Variants in TENM2 observed in about 807,000 individuals in gnomAD.
The protein encoded by TENM2 is teneurin transmembrane protein 2.
TENM2 carries 52 observed loss-of-function variants against 245.2 expected under a neutral mutation model. That is an observed-to-expected ratio of 0.21 (90% CI 0.17 to 0.27). TENM2 has a LOEUF of 0.27. Among genes scored for constraint, TENM2 ranks in the 10% least tolerant of loss-of-function variants. TENM2 has a pLI of 1.00. For missense variants in TENM2, 3,046 were observed against 3,666.8 expected (o/e 0.83, Z 4.37); for synonymous variants, 1,363 against 1,438.9 (o/e 0.95, Z 1.19).
At position 167,411,575 on chromosome 5, in the gene TENM2, T is replaced by A. The variant is rs947739209; in HGVS notation, c.502+36102T>A. Among the ~76,000 whole-genome samples the A allele has an allele frequency of 3.4e-3, 239 of 70,924 alleles. 3 individuals carry two copies. In the East Asian group the frequency reaches 0.073, roughly 22 times the overall value. The allele number at this position is 70,924 out of a possible 152,430, so 46.5% of individuals were successfully genotyped here. A position where few individuals can be genotyped will look rare whatever the true frequency, so the allele number is the denominator to read the frequency against. On this transcript the variant is annotated intron_variant, in intron 2 of 28. Transcript: ENST00000518659. Reference sequence around the variant, plus strand: ...GTGCATGTGTATATGTAGGTGAGAGTGTGTGTGTGTGTGTGTGTGTGTGTG... The same window carrying A: ...GTGCATGTGTATATGTAGGTGAGAGAGTGTGTGTGTGTGTGTGTGTGTGTG...
chr5:167,418,612 G>A (rs1305661429), intron 2 of TENM2, among the ~76,000 whole-genome samples: 1 of 152,140 alleles, frequency 6.6e-6, no homozygotes, highest in Non-Finnish European at 1.5e-5. Flanking sequence ...TAAAGAATCT[G>A]TGACCAACAG....
At chr5:167,178,128 G>C in the TENM2 span, among the ~76,000 whole-genome samples, 2 of 152,266 alleles carry the variant, frequency 1.3e-5, no homozygotes, top group South Asian at 4.2e-4. Context: ...AAGTGAAGGA[G>C]GCTATTAATA....
the TENM2 span, among the ~76,000 whole-genome samples, chr5:167,230,603 T>A: frequency 1.3e-5 from 2 of 152,178 alleles, no homozygotes; most frequent in African/African-American, 4.8e-5. Context: ...AGATACATTT[T>A]AAAAATGCTG....
At chr5:166,979,194 C>CCACCAGCAGCAGCAGCAGCAGCAG in the TENM2 span, among the ~76,000 whole-genome samples, 3 of 142,044 alleles carry the variant, frequency 2.1e-5, no homozygotes, top group African/African-American at 8.3e-5. Context: ...AGCACCACCA[C>CCACCAGCAGCAGCAGCAGCAGCAG]CAGCAGCAGC....
chr5:168,137,568 G>C (rs575293723), intron 12 of TENM2, among the ~76,000 whole-genome samples: 4 of 152,198 alleles, frequency 2.6e-5, no homozygotes, highest in Admixed American at 2.6e-4. Context: ...AACTCAAAAC[G>C]GTGGCTTCTG....
At position 167,377,199 on chromosome 5, in the gene TENM2, C is replaced by T. The variant is rs181413929; in HGVS notation, c.502+1726C>T. Among the ~76,000 whole-genome samples the T allele has an allele frequency of 1.9e-3, 296 of 152,152 alleles. 1 individual carries two copies. The Middle Eastern group carries it at 0.024, about 12-fold the overall frequency. ...TGAAATTCATCATATATTTGGTAGA[C>T]CAATAGTAGTTTCATTTTTTTCATA... On this transcript the variant is annotated intron_variant, in intron 2 of 28. Coordinates refer to ENST00000518659, the Ensembl canonical transcript of TENM2.
At chr5:167,998,853 A>G (rs772241210) in intron 5 of TENM2, among the ~76,000 whole-genome samples, 5 of 152,148 alleles carry the variant, frequency 3.3e-5, no homozygotes, top group Admixed American at 6.5e-5. Flanking sequence ...AAGTGTGGTA[A>G]TTTGGGGTGC....
intron 3 of TENM2, among the ~76,000 whole-genome samples, chr5:167,888,133 T>TTA (rs1482951792): frequency 3.9e-5 from 6 of 152,234 alleles, no homozygotes; most frequent in Non-Finnish European, 2.9e-5. Flanking sequence ...CATTCCCAGC[T>TTA]ATCAAGAGTC....
At chr5:167,928,556 T>G (rs908200747) in intron 3 of TENM2, among the ~76,000 whole-genome samples, 6 of 151,968 alleles carry the variant, frequency 3.9e-5, no homozygotes, top group African/African-American at 1.4e-4. Context: ...GGCGATATGC[T>G]TATATCATCC....
At chr5:167,394,234 TA>T (rs1266066059) in intron 2 of TENM2, among the ~76,000 whole-genome samples, 1 of 152,208 alleles carries the variant, frequency 6.6e-6, no homozygotes, top group Non-Finnish European at 1.5e-5. Context: ...CAATTTTTTT[TA>T]GGAGATTCAC....
intron 1 of TENM2, among the ~76,000 whole-genome samples, chr5:167,374,219 A>G (rs1055243300): frequency 9.2e-5 from 14 of 152,176 alleles, no homozygotes; most frequent in African/African-American, 2.9e-4. Flanking sequence ...TATCTTTTCT[A>G]TGTTTAAATA....
At chr5:168,119,693 T>C (rs1795335840) in intron 10 of TENM2, among the ~76,000 whole-genome samples, 1 of 152,202 alleles carries the variant, frequency 6.6e-6, no homozygotes, top group Non-Finnish European at 1.5e-5. Context: ...GCTCCTTTTC[T>C]CTAAGTCCAT....
intron 2 of TENM2, among the ~76,000 whole-genome samples, chr5:167,701,519 C>G (rs1425247900): frequency 6.6e-6 from 1 of 151,952 alleles, no homozygotes; most frequent in Admixed American, 6.6e-5. Context: ...AACATAGGTT[C>G]GTGACATGTA....
intron 13 of TENM2, among the ~76,000 whole-genome samples, chr5:168,177,666 G>C (rs1022958873): frequency 6.6e-6 from 1 of 152,128 alleles, no homozygotes; most frequent in African/African-American, 2.4e-5. Flanking sequence ...GCAAGACCTT[G>C]TCTCTACAAA....
chr5:167,632,434 A>C (rs1778934878), intron 2 of TENM2, among the ~76,000 whole-genome samples: 1 of 152,240 alleles, frequency 6.6e-6, no homozygotes, highest in South Asian at 2.1e-4. Flanking sequence ...TGGAAAAATC[A>C]ATAATTCTAC....
intron 2 of TENM2, among the ~76,000 whole-genome samples, chr5:167,515,877 A>G (rs950247239): frequency 1.3e-5 from 2 of 151,880 alleles, no homozygotes; most frequent in Non-Finnish European, 2.9e-5. Flanking sequence ...AATGAAAGTA[A>G]GTTCATTTCC....
intron 3 of TENM2, among the ~76,000 whole-genome samples, chr5:167,914,275 G>A (rs1776761630): frequency 6.6e-6 from 1 of 152,192 alleles, no homozygotes. Flanking sequence ...AAAATGGTTT[G>A]ATTTGTGCTA....
intron 12 of TENM2, among the ~76,000 whole-genome samples, chr5:168,140,157 C>A (rs1394535633): frequency 6.6e-6 from 1 of 152,170 alleles, no homozygotes; most frequent in East Asian, 1.9e-4. Context: ...TACCATGATA[C>A]AATGGTGATA....
At chr5:167,940,146 GTTCAAGC>G (rs1779057273) in intron 3 of TENM2, among the ~76,000 whole-genome samples, 1 of 152,188 alleles carries the variant, frequency 6.6e-6, no homozygotes, top group Non-Finnish European at 1.5e-5. Flanking sequence ...CTTTGATCAA[GTTCAAGC>G]TTTTGAGATT....
Sources: allele counts gnomAD v4.1 joint callset (sites outside exome capture counted in the v4.1 genomes callset), GRCh38; gene constraint gnomAD v4.1.1; transcripts MANE v1.5; gene names NCBI Gene and HGNC (gene_info 2026-07-23, HGNC 2026-07-21).